Variants in GRXCR1 observed in about 807,000 individuals in gnomAD.
The protein encoded by GRXCR1 is glutaredoxin domain-containing cysteine-rich protein 1.
GRXCR1 carries 27 observed loss-of-function variants against 27.3 expected under a neutral mutation model. The observed-to-expected ratio is 0.99, with a 90% CI of 0.73 to 1.37. The LOEUF is 1.37. Among genes scored for constraint, GRXCR1 ranks in the 40% most tolerant of loss-of-function variants. GRXCR1 has a pLI of 0.00. For missense variants in GRXCR1, 379 were observed against 354.4 expected (o/e 1.07, Z -0.56); for synonymous variants, 122 against 131.1 (o/e 0.93, Z 0.47).
intron 2 of GRXCR1, among the ~76,000 whole-genome samples, chr4:42,977,702 T>C (rs981711927): frequency 1.6e-4 from 25 of 152,032 alleles, no homozygotes; most frequent in Admixed American, 1.6e-3. Context: ...ATTCTGGAAA[T>C]TCATCCCTTG....
intron 1 of GRXCR1, among the ~76,000 whole-genome samples, chr4:42,932,591 T>TAC: frequency 2.1e-5 from 1 of 46,718 alleles, no homozygotes; most frequent in Non-Finnish European, 4.0e-5. Context: ...TATATATATA[T>TAC]ATATATATAT....
chr4:42,995,775 G>A (rs990943425), intron 2 of GRXCR1, among the ~76,000 whole-genome samples: 1 of 152,196 alleles, frequency 6.6e-6, no homozygotes, highest in Non-Finnish European at 1.5e-5. Flanking sequence ...TCAAGAAACA[G>A]CATGTCACAA....
At chr4:43,003,959 C>T (rs1014859658) in intron 2 of GRXCR1, among the ~76,000 whole-genome samples, 25 of 152,218 alleles carry the variant, frequency 1.6e-4, no homozygotes, top group Non-Finnish European at 5.9e-5. Flanking sequence ...ATAGCAAAGA[C>T]AATGGGGAAA....
intron 2 of GRXCR1, among the ~76,000 whole-genome samples, chr4:42,999,551 A>G (rs1712281542): frequency 6.6e-6 from 1 of 152,174 alleles, no homozygotes; most frequent in Admixed American, 6.5e-5. Context: ...TATTTCCTAT[A>G]CAACAGTGAG....
intron 1 of GRXCR1, among the ~76,000 whole-genome samples, chr4:42,917,459 T>C (rs1447632115): frequency 6.6e-6 from 1 of 152,136 alleles, no homozygotes; most frequent in African/African-American, 2.4e-5. Context: ...CCAGTGAAAA[T>C]GCTGTATATC....
intron 2 of GRXCR1, among the ~76,000 whole-genome samples, chr4:43,018,258 G>A (rs1401681823): frequency 1.3e-5 from 2 of 152,178 alleles, no homozygotes; most frequent in African/African-American, 4.8e-5. Context: ...GGCAGGTAGG[G>A]TTGTGGAGGC....
rs564354918 is a variant in GRXCR1 at position 42,955,584 on chromosome 4, C to T, written c.385-7308C>T. Among the ~76,000 whole-genome samples the T allele has an allele frequency of 3.3e-5, 5 of 152,266 alleles. No homozygotes were observed. In the East Asian group the frequency reaches 7.7e-4, roughly 24 times the overall value. On this transcript the variant is annotated intron_variant, in intron 1 of 3. Coordinates refer to ENST00000399770, the MANE Select transcript of GRXCR1 (RefSeq NM_001080476.3). ...CTTGTCAAGGATATGAGGATACTTA[C>T]TCTTTCTGAGCCTAGGTTTCTAGAT...
Position 42,964,883 on chromosome 4 carries a change from T to A in GRXCR1, c.627+1749T>A, listed in dbSNP as rs1221180387. 4.6e-5 allele frequency among the ~76,000 whole-genome samples: 7 copies of A among 152,044 alleles called. No homozygotes were observed. The East Asian group carries it at 1.4e-3, about 29-fold the overall frequency. On this transcript the variant is annotated intron_variant, in intron 2 of 3. Transcript: ENST00000399770. ...AGGGATCTGATAAACTCAACCACAC[T>A]AGGGAGAAAATGTAACTTGTAAGGG...
intron 2 of GRXCR1, among the ~76,000 whole-genome samples, chr4:43,015,463 A>G (rs1348262912): frequency 6.6e-6 from 1 of 152,160 alleles, no homozygotes; most frequent in Non-Finnish European, 1.5e-5. Context: ...TTTGAAAACA[A>G]TATTTTTATG....
At chr4:43,006,352 G>C (rs1338022396) in intron 2 of GRXCR1, among the ~76,000 whole-genome samples, 1 of 152,206 alleles carries the variant, frequency 6.6e-6, no homozygotes, top group Non-Finnish European at 1.5e-5. Context: ...GGGCAGAACA[G>C]AGCCATATTT....
intron 2 of GRXCR1, among the ~76,000 whole-genome samples, chr4:42,995,407 ATC>A (rs1712121160): frequency 6.6e-6 from 1 of 152,220 alleles, no homozygotes; most frequent in Admixed American, 6.5e-5. Context: ...TGTAGAAATG[ATC>A]CATTTAATAT....
At chr4:42,902,746 T>G (rs1433375923) in intron 1 of GRXCR1, among the ~76,000 whole-genome samples, 1 of 152,108 alleles carries the variant, frequency 6.6e-6, no homozygotes, top group Non-Finnish European at 1.5e-5. Flanking sequence ...GCTTAACACC[T>G]AGGTGATGGG....
chr4:43,005,989 A>G (rs2109799589), intron 2 of GRXCR1, among the ~76,000 whole-genome samples: 1 of 152,330 alleles, frequency 6.6e-6, no homozygotes, highest in African/African-American at 2.4e-5. Context: ...GTGGATTGTG[A>G]AGATTTCATG....
intron 2 of GRXCR1, among the ~76,000 whole-genome samples, chr4:42,964,121 C>T (rs954767234): frequency 3.3e-5 from 5 of 151,988 alleles, no homozygotes; most frequent in Non-Finnish European, 7.4e-5. Context: ...GCTGGACACA[C>T]ATTACATTCT....
chr4:42,908,649 A>G (rs977498021), intron 1 of GRXCR1, among the ~76,000 whole-genome samples: 5 of 152,150 alleles, frequency 3.3e-5, no homozygotes, highest in Non-Finnish European at 5.9e-5. Context: ...CTGAAGAGGG[A>G]TGGGGGATGC....
At chr4:42,973,322 T>C (rs1410603577) in intron 2 of GRXCR1, among the ~76,000 whole-genome samples, 1 of 152,184 alleles carries the variant, frequency 6.6e-6, no homozygotes, top group Non-Finnish European at 1.5e-5. Flanking sequence ...CCTATTAATA[T>C]CTTGTTAGTT....
chr4:42,944,116 A>C (rs562110264), intron 1 of GRXCR1, among the ~76,000 whole-genome samples: 2 of 152,086 alleles, frequency 1.3e-5, no homozygotes, highest in Non-Finnish European at 1.5e-5. Flanking sequence ...ATTTATAAGG[A>C]TACCACCCCA....
At chr4:42,950,421 G>C (rs1407115047) in intron 1 of GRXCR1, among the ~76,000 whole-genome samples, 1 of 152,192 alleles carries the variant, frequency 6.6e-6, no homozygotes, top group Non-Finnish European at 1.5e-5. Context: ...TCCTGAATAT[G>C]ATGATTTTGG....
intron 1 of GRXCR1, among the ~76,000 whole-genome samples, chr4:42,930,989 G>A (rs969784841): frequency 6.6e-6 from 1 of 151,954 alleles, no homozygotes; most frequent in African/African-American, 2.4e-5. Flanking sequence ...TTATATCTGA[G>A]TGATGACATG....
Sources: allele counts gnomAD v4.1 joint callset (sites outside exome capture counted in the v4.1 genomes callset), GRCh38; gene constraint gnomAD v4.1.1; transcripts MANE v1.5; gene names NCBI Gene and HGNC (gene_info 2026-07-23, HGNC 2026-07-21).